HYCC1: variants seen among roughly 807,000 people sequenced by gnomAD.
The protein encoded by HYCC1 is hyccin PI4KA lipid kinase complex subunit 1.
At chr7:23,013,608 G>A in the HYCC1 span, among the ~76,000 whole-genome samples, 3 of 152,136 alleles carry the variant, frequency 2.0e-5, no homozygotes, top group African/African-American at 2.4e-5. Context: ...ACTGCTCCTC[G>A]CCGGGAAGGA....
chr7:23,001,002 G>A, the HYCC1 span, among the ~76,000 whole-genome samples: 9 of 151,864 alleles, frequency 5.9e-5, no homozygotes, highest in African/African-American at 2.2e-4. Context: ...AAAGCATTTG[G>A]AATGAAATAT....
At chr7:22,991,216 C>T in the HYCC1 span, 22 of 946,420 alleles carry the variant, frequency 2.3e-5, no homozygotes, top group African/African-American at 3.3e-5. Context: ...AGAGATAATC[C>T]TATAAAGTTT....
At chr7:22,945,789 G>T in the HYCC1 span, 1 of 1,613,762 alleles carries the variant, frequency 6.2e-7, no homozygotes, top group Admixed American at 1.7e-5. Context: ...CCACTGACTT[G>T]TTCAAAGGAT....
At chr7:23,008,554 T>C in the HYCC1 span, among the ~76,000 whole-genome samples, 1 of 151,982 alleles carries the variant, frequency 6.6e-6, no homozygotes, top group African/African-American at 2.4e-5. Context: ...AAGAAATACA[T>C]GAGAAATACT....
At chr7:22,972,404 CAGTT>C in the HYCC1 span, among the ~76,000 whole-genome samples, 30 of 152,248 alleles carry the variant, frequency 2.0e-4, no homozygotes, top group South Asian at 6.2e-3. Flanking sequence ...CCAGGTTCGT[CAGTT>C]AGATGACTCA....
At chr7:22,904,123 T>C in the HYCC1 span, among the ~76,000 whole-genome samples, 1 of 152,086 alleles carries the variant, frequency 6.6e-6, no homozygotes, top group African/African-American at 2.4e-5. Flanking sequence ...ACTTAGTAAT[T>C]GAAACCTTAA....
the HYCC1 span, among the ~76,000 whole-genome samples, chr7:22,933,549 C>T: frequency 6.6e-6 from 1 of 151,704 alleles, no homozygotes; most frequent in African/African-American, 2.4e-5. Flanking sequence ...TATTTTAAAC[C>T]TATTTGTGTC....
At chr7:22,991,174 AAT>A in the HYCC1 span, 1 of 1,370,022 alleles carries the variant, frequency 7.3e-7, no homozygotes, top group Non-Finnish European at 1.0e-6. Flanking sequence ...TAACGTTTTG[AAT>A]ATATTTTATT....
chr7:22,917,795 T>C, the HYCC1 span, among the ~76,000 whole-genome samples: 1 of 152,198 alleles, frequency 6.6e-6, no homozygotes, highest in Non-Finnish European at 1.5e-5. Context: ...TTAAAGTGGA[T>C]AAAAGATCTT....
chr7:22,990,692 T>C, the HYCC1 span, among the ~76,000 whole-genome samples: 1 of 152,198 alleles, frequency 6.6e-6, no homozygotes, highest in Non-Finnish European at 1.5e-5. Context: ...TATCTTCCCA[T>C]CCTCTCCTCA....
At chr7:22,950,123 T>C in the HYCC1 span, among the ~76,000 whole-genome samples, 3 of 152,086 alleles carry the variant, frequency 2.0e-5, no homozygotes, top group African/African-American at 7.2e-5. Flanking sequence ...ACCCACACTG[T>C]CTTACTGCTG....
At chr7:22,961,857 A>ATG in the HYCC1 span, among the ~76,000 whole-genome samples, 612 of 151,088 alleles carry the variant, frequency 4.1e-3, 4 homozygotes, top group African/African-American at 0.013. Context: ...GTGTCTGTGC[A>ATG]TGTGTGTGTG....
At chr7:22,976,652 A>G in the HYCC1 span, 4 of 1,205,624 alleles carry the variant, frequency 3.3e-6, no homozygotes, top group East Asian at 4.7e-5. Flanking sequence ...TTCTTAAAAA[A>G]TTAGTGGATT....
At chr7:22,910,244 G>C in the HYCC1 span, among the ~76,000 whole-genome samples, 16 of 152,184 alleles carry the variant, frequency 1.1e-4, no homozygotes, top group Non-Finnish European at 7.3e-5. Context: ...TGAATGGTTT[G>C]ATGCCCTTCC....
chr7:22,952,851 A>C, the HYCC1 span, among the ~76,000 whole-genome samples: 7 of 151,936 alleles, frequency 4.6e-5, no homozygotes, highest in African/African-American at 1.7e-4. Context: ...CTGCACTCTG[A>C]GCAAGGGCAA....
the HYCC1 span, among the ~76,000 whole-genome samples, chr7:22,962,081 TC>T: frequency 0.39 from 59,505 of 151,744 alleles, 11,631 homozygotes; most frequent in East Asian, 0.5. Context: ...AGCCAGGTAA[TC>T]TACAAAATTA....
the HYCC1 span, among the ~76,000 whole-genome samples, chr7:22,903,539 CTCTA>C: frequency 6.6e-6 from 1 of 152,118 alleles, no homozygotes; most frequent in Non-Finnish European, 1.5e-5. Flanking sequence ...ATCTGAATAG[CTCTA>C]TCTCTGTTAA....
chr7:22,955,330 A>T, the HYCC1 span, among the ~76,000 whole-genome samples: 5 of 129,388 alleles, frequency 3.9e-5, no homozygotes, highest in Admixed American at 2.3e-4. Flanking sequence ...AAACAAACAA[A>T]ACTGTTCTTA....
chr7:22,977,558 T>C, the HYCC1 span: 2 of 582,670 alleles, frequency 3.4e-6, no homozygotes, highest in Non-Finnish European at 6.0e-6. Context: ...CCTTAAACCA[T>C]GATAATCCAT....
Sources: gnomAD v4.1 joint callset for allele counts (sites outside exome capture counted in the v4.1 genomes callset) on GRCh38, gnomAD v4.1.1 for gene constraint, MANE v1.5 for transcripts, NCBI Gene and HGNC (gene_info 2026-07-23, HGNC 2026-07-21) for gene names.